The following CSMD1 variants were observed in gnomAD, a reference collection of about 807,000 sequenced individuals.
CSMD1 encodes the protein CUB and Sushi multiple domains 1.
Under a neutral mutation model 417.5 loss-of-function variants are expected in CSMD1, and 213 were observed. That is an observed-to-expected ratio of 0.51 (90% CI 0.46 to 0.57). The LOEUF is 0.57. Ranked by LOEUF, CSMD1 falls within the 20% of genes least tolerant of loss-of-function variation. The pLI, the probability that CSMD1 is intolerant of heterozygous loss-of-function variation, is 0.00. For missense variants in CSMD1, 6,923 were observed against 4,529.7 expected (o/e 1.53, Z -15.17); for synonymous variants, 2,862 against 1,736.8 (o/e 1.65, Z -16.11).
intron 5 of CSMD1, among the ~76,000 whole-genome samples, chr8:3,773,337 G>A (rs368911414): frequency 1.3e-5 from 2 of 152,164 alleles, no homozygotes; most frequent in East Asian, 1.9e-4. Context: ...AGGCTGGAGT[G>A]CAGTGGTGCA....
intron 65 of CSMD1, among the ~76,000 whole-genome samples, chr8:2,953,153 G>C (rs561223258): frequency 9.2e-5 from 14 of 152,254 alleles, no homozygotes; most frequent in Admixed American, 2.6e-4. Context: ...GCTGTGTTTT[G>C]TTCCATTGAA....
rs1042448492 is a variant in CSMD1 at position 3,772,261 on chromosome 8, A to G, written c.819-18219T>C. ...TATATATAGATATATACATATATTT[A>G]GACATACATATGTACATATATTTAG... On this transcript the variant is annotated intron_variant, in intron 5 of 69. Transcript: ENST00000635120. Among the ~76,000 whole-genome samples, 3 of 146,088 alleles carry G rather than the reference A, an allele frequency of 2.1e-5. No individual in the cohort carries two copies. In the Admixed American group the frequency reaches 2.1e-4, roughly 10 times the overall value.
intron 38 of CSMD1, among the ~76,000 whole-genome samples, chr8:3,159,115 C>T (rs753730440): frequency 6.6e-6 from 1 of 152,042 alleles, no homozygotes; most frequent in Non-Finnish European, 1.5e-5. Flanking sequence ...CCCCATTCTT[C>T]GACGCATTAA....
At chr8:4,761,557 G>C (rs1437172455) in intron 1 of CSMD1, among the ~76,000 whole-genome samples, 1 of 152,030 alleles carries the variant, frequency 6.6e-6, no homozygotes, top group Non-Finnish European at 1.5e-5. Flanking sequence ...CTTAGAGTTT[G>C]AAATTCCTTA....
chr8:3,332,333 G>A (rs1340722495), intron 23 of CSMD1, among the ~76,000 whole-genome samples: 1 of 152,254 alleles, frequency 6.6e-6, no homozygotes, highest in South Asian at 2.1e-4. Flanking sequence ...GAGAAGGGAA[G>A]GTGGGGTTGC....
At chr8:4,283,164 T>C (rs1014393425) in intron 3 of CSMD1, among the ~76,000 whole-genome samples, 1 of 152,218 alleles carries the variant, frequency 6.6e-6, no homozygotes, top group Non-Finnish European at 1.5e-5. Flanking sequence ...TGAAGGTACG[T>C]TGAGAGTCTT....
At chr8:4,473,395 A>G (rs1154078) in intron 2 of CSMD1, among the ~76,000 whole-genome samples, 152,234 of 152,298 alleles carry the variant, frequency 1, 76,085 homozygotes, top group Middle Eastern at 1. Flanking sequence ...CCCCATTCTC[A>G]TTGTAGGTAG....
intron 5 of CSMD1, among the ~76,000 whole-genome samples, chr8:3,997,155 C>T (rs896160771): frequency 1.3e-5 from 2 of 152,168 alleles, no homozygotes; most frequent in African/African-American, 2.4e-5. Flanking sequence ...AAAACAATAA[C>T]ACAATTTTAC....
chr8:3,772,347 A>T (rs1325308188), intron 5 of CSMD1, among the ~76,000 whole-genome samples: 41 of 143,526 alleles, frequency 2.9e-4, no homozygotes, highest in African/African-American at 1.0e-3. Flanking sequence ...ATACATATAT[A>T]CATATATTTA....
intron 3 of CSMD1, among the ~76,000 whole-genome samples, chr8:4,080,977 A>T (rs965505888): frequency 6.6e-6 from 1 of 152,120 alleles, no homozygotes; most frequent in Non-Finnish European, 1.5e-5. Flanking sequence ...ATGCCCTTAT[A>T]CAAGAGGCTT....
At chr8:3,370,993 G>A (rs902100641) in intron 18 of CSMD1, among the ~76,000 whole-genome samples, 1 of 151,696 alleles carries the variant, frequency 6.6e-6, no homozygotes, top group Non-Finnish European at 1.5e-5. Context: ...AAAAGGCAGA[G>A]TAAAGAAAAA....
chr8:3,622,668 A>C (rs1796310579), intron 7 of CSMD1, among the ~76,000 whole-genome samples: 1 of 152,250 alleles, frequency 6.6e-6, no homozygotes, highest in Admixed American at 6.5e-5. Context: ...TTAGAGATTA[A>C]ATGTAAAATA....
At chr8:4,070,577 T>A (rs757622210) in intron 3 of CSMD1, among the ~76,000 whole-genome samples, 1 of 152,138 alleles carries the variant, frequency 6.6e-6, no homozygotes, top group Non-Finnish European at 1.5e-5. Flanking sequence ...CAGGATGGTC[T>A]CGTTCTCCTG....
intron 26 of CSMD1, among the ~76,000 whole-genome samples, chr8:3,266,092 G>T (rs543570568): frequency 1.3e-5 from 2 of 151,534 alleles, no homozygotes; most frequent in African/African-American, 4.8e-5. Context: ...CATGCCTGGG[G>T]GAAAAATTAA....
rs552967846 is a variant in CSMD1, at chr8:3,771,348, G to A, written c.819-17306C>T. 1.4e-3 allele frequency among the ~76,000 whole-genome samples: 209 copies of A among 152,274 alleles called. 1 individual carries two copies. The highest frequency in any genetic ancestry group is 4.9e-3 in the African/African-American group (202 of 41,546). Reference sequence around the variant, plus strand: ...GATAACAGACAAAGAAGAACGCTTAGAAATTCAGACGGCATTGCTTCACAC... The same window carrying A: ...GATAACAGACAAAGAAGAACGCTTAAAAATTCAGACGGCATTGCTTCACAC... On this transcript the variant is annotated intron_variant, in intron 5 of 69. Coordinates refer to ENST00000635120, the MANE Select transcript of CSMD1 (RefSeq NM_033225.6).
At chr8:3,569,406 A>T (rs1448528678) in intron 10 of CSMD1, among the ~76,000 whole-genome samples, 1 of 152,220 alleles carries the variant, frequency 6.6e-6, no homozygotes, top group Non-Finnish European at 1.5e-5. Flanking sequence ...CAAAGCCGAG[A>T]TAAGACTAGG....
chr8:4,117,362 T>G (rs1280350425), intron 3 of CSMD1, among the ~76,000 whole-genome samples: 9 of 151,102 alleles, frequency 6.0e-5, no homozygotes, highest in Admixed American at 4.8e-4. Context: ...TCATGCTTCA[T>G]AACACCGGGA....
At chr8:4,289,410 G>GGCTCGAAAAT (rs56032643) in intron 3 of CSMD1, among the ~76,000 whole-genome samples, 134,032 of 152,072 alleles carry the variant, frequency 0.88, 59,730 homozygotes, top group East Asian at 0.97. Context: ...AGGGAGCCAG[G>GGCTCGAAAAT]GCCTGTGTTT....
rs116949051 is a variant in CSMD1, at chr8:4,351,769, A to G, written c.415+68184T>C. On this transcript the variant is annotated intron_variant, in intron 3 of 69. Coordinates refer to ENST00000635120, the MANE Select transcript of CSMD1 (RefSeq NM_033225.6). Reference sequence around the variant, plus strand: ...CAAGACCCACTTGAGAAGATGTGAAATTGCCACTTATTTTGTGCACTTGGA... The same window carrying G: ...CAAGACCCACTTGAGAAGATGTGAAGTTGCCACTTATTTTGTGCACTTGGA... Among the ~76,000 whole-genome samples the G allele has an allele frequency of 4.6e-4, 70 of 152,176 alleles. No homozygotes were observed. In the East Asian group the frequency reaches 8.9e-3, roughly 19 times the overall value.
Sources: gnomAD v4.1 joint callset for allele counts (sites outside exome capture counted in the v4.1 genomes callset) on GRCh38, gnomAD v4.1.1 for gene constraint, MANE v1.5 for transcripts, NCBI Gene and HGNC (gene_info 2026-07-23, HGNC 2026-07-21) for gene names.